Variants in ELMO1 observed in about 807,000 individuals in gnomAD.
ELMO1 encodes engulfment and cell motility 1.
ELMO1 carries 26 observed loss-of-function variants against 98.9 expected under a neutral mutation model. That is an observed-to-expected ratio of 0.26 (90% CI 0.19 to 0.36). The LOEUF (loss-of-function observed/expected upper bound fraction) is 0.36. ELMO1 is among the 10% of genes least tolerant of loss of function. ELMO1 has a pLI of 1.00. For missense variants in ELMO1, 627 were observed against 935.2 expected, an observed-to-expected ratio of 0.67 and a Z score of 4.30; for synonymous variants, 346 against 346.0, an observed-to-expected ratio of 1.00 and a Z score of 0.00.
At chr7:37,121,606 C>G (rs1214399541) in intron 14 of ELMO1, among the ~76,000 whole-genome samples, 2 of 152,102 alleles carry the variant, frequency 1.3e-5, no homozygotes, top group Non-Finnish European at 2.9e-5. Context: ...AACAAAGCCT[C>G]CAAGAAATAT....
At chr7:37,373,301 T>C (rs1802191241) in intron 1 of ELMO1, among the ~76,000 whole-genome samples, 1 of 152,208 alleles carries the variant, frequency 6.6e-6, no homozygotes, top group Non-Finnish European at 1.5e-5. Flanking sequence ...TTGCTTTATT[T>C]TTCCATTAAA....
At chr7:37,381,450 G>A (rs1449774239) in intron 1 of ELMO1, among the ~76,000 whole-genome samples, 1 of 152,162 alleles carries the variant, frequency 6.6e-6, no homozygotes, top group Non-Finnish European at 1.5e-5. Context: ...AATTCTGTAC[G>A]AAAGTAGTCA....
chr7:37,259,267 G>C lies in ELMO1; in HGVS notation c.327C>G (p.Ser109Arg). ...GGGCAAACGTGACATCCCGGGAGAG[G>C]CTGGCCAAGTCCTTCAGGGCTTCCA... ...AKLEALKDLA[S>R]LSRDVTFAQE... Residue 109 changes from serine (S) to arginine (R), a missense_variant, in exon 6 of 22, where the codon AGC (serine) becomes AGG (arginine). Ser to Arg is a moderately radical substitution (Grantham distance 110). This residue lies in a region of ELMO1 where 123 missense variants were observed against 171.2 expected (regional missense o/e 0.72). Coordinates refer to ENST00000310758, the MANE Select transcript of ELMO1 (RefSeq NM_014800.11). 6.2e-7 allele frequency: 1 copy of C among 1,614,136 alleles called. No homozygotes were observed. The highest frequency in any genetic ancestry group is 1.7e-5 in the Admixed American group (1 of 60,020).
intron 16 of ELMO1, among the ~76,000 whole-genome samples, chr7:37,007,386 G>A (rs1401825512): frequency 3.9e-5 from 6 of 152,148 alleles, no homozygotes; most frequent in Non-Finnish European, 8.8e-5. Flanking sequence ...GATAAACAAC[G>A]CTGAGTCCTC....
At chr7:37,354,898 A>G (rs959850259) in intron 1 of ELMO1, among the ~76,000 whole-genome samples, 2 of 152,204 alleles carry the variant, frequency 1.3e-5, no homozygotes, top group African/African-American at 4.8e-5. Flanking sequence ...GCCTCTCTCC[A>G]GCAACAGCAG....
chr7:37,033,246 CG>C (rs1794978559), intron 15 of ELMO1: 2 of 379,900 alleles, frequency 5.3e-6, no homozygotes, highest in Admixed American at 3.2e-5. Flanking sequence ...GGAGCGCAGA[CG>C]GGCTAAGTCC....
chr7:37,399,963 G>A (rs1021654187), intron 1 of ELMO1, among the ~76,000 whole-genome samples: 2 of 152,140 alleles, frequency 1.3e-5, no homozygotes, highest in African/African-American at 4.8e-5. Flanking sequence ...CTGCATTTTT[G>A]TGAAGAATGC....
chr7:37,175,155 GAAT>G (rs1345297941), intron 13 of ELMO1, among the ~76,000 whole-genome samples: 1 of 152,126 alleles, frequency 6.6e-6, no homozygotes, highest in Non-Finnish European at 1.5e-5. Flanking sequence ...ATGATCAGCA[GAAT>G]AATAAGGAGA....
At chr7:37,276,738 C>G (rs772070948) in intron 4 of ELMO1, among the ~76,000 whole-genome samples, 1 of 152,184 alleles carries the variant, frequency 6.6e-6, no homozygotes, top group Non-Finnish European at 1.5e-5. Flanking sequence ...AGGACAGAAA[C>G]GTCTACCCAG....
chr7:37,372,123 G>T (rs1802139529), intron 1 of ELMO1, among the ~76,000 whole-genome samples: 1 of 151,116 alleles, frequency 6.6e-6, no homozygotes, highest in Non-Finnish European at 1.5e-5. Flanking sequence ...CCTCTGCTCA[G>T]TTTCAGTTAA....
At position 37,152,444 on chromosome 7, in the gene ELMO1, CT is replaced by C. The variant is rs11421529; in HGVS notation, c.1087-19211del. Among the ~76,000 whole-genome samples, 753 of 143,734 alleles carry C rather than the reference CT, an allele frequency of 5.2e-3. 4 individuals carry two copies. The highest frequency in any genetic ancestry group is 0.014 in the African/African-American group (539 of 38,570). 94.3% of individuals were successfully genotyped at this position (143,734 alleles called of 152,430 possible). On this transcript the variant is annotated intron_variant, in intron 13 of 21. Coordinates refer to ENST00000310758, the MANE Select transcript of ELMO1 (RefSeq NM_014800.11). ...TCTGGCACCTTGAGCAATGTTGGGG[CT>C]TTTTTTTTTTTTTTTATGTTTTTCA...
intron 1 of ELMO1, among the ~76,000 whole-genome samples, chr7:37,374,407 T>C (rs948484404): frequency 1.3e-5 from 2 of 152,194 alleles, no homozygotes; most frequent in African/African-American, 4.8e-5. Context: ...CTATAACCAA[T>C]GCATCATTAC....
intron 20 of ELMO1, among the ~76,000 whole-genome samples, chr7:36,866,034 G>A (rs914174819): frequency 2.0e-5 from 3 of 152,120 alleles, no homozygotes; most frequent in African/African-American, 7.2e-5. Flanking sequence ...CTGGCAAATG[G>A]GAAGATGGAA....
chr7:37,415,674 A>C (rs1158010521), intron 1 of ELMO1, among the ~76,000 whole-genome samples: 1 of 152,238 alleles, frequency 6.6e-6, no homozygotes. Flanking sequence ...TGCAATTGAT[A>C]CTGGAAAAGA....
intron 21 of ELMO1, among the ~76,000 whole-genome samples, chr7:36,857,602 G>A (rs1443274394): frequency 2.6e-5 from 4 of 152,146 alleles, no homozygotes; most frequent in Non-Finnish European, 5.9e-5. Flanking sequence ...AAAATTTTAT[G>A]TGAAAGTACA....
chr7:37,171,370 A>T (rs1790141882), intron 13 of ELMO1, among the ~76,000 whole-genome samples: 1 of 152,070 alleles, frequency 6.6e-6, no homozygotes, highest in African/African-American at 2.4e-5. Flanking sequence ...GGGCAATAAA[A>T]TATGGACATA....
chr7:37,179,300 C>T (rs1384423950), intron 13 of ELMO1, among the ~76,000 whole-genome samples: 39 of 120,282 alleles, frequency 3.2e-4, no homozygotes, highest in African/African-American at 8.7e-4. Flanking sequence ...TTTTTTGAGA[C>T]GGAGTCTCAC....
intron 14 of ELMO1, among the ~76,000 whole-genome samples, chr7:37,115,888 A>G (rs756290282): frequency 3.7e-4 from 56 of 152,222 alleles, no homozygotes; most frequent in Non-Finnish European, 4.7e-4. Context: ...CAATTACAGC[A>G]AGACTGCAAG....
intron 1 of ELMO1, among the ~76,000 whole-genome samples, chr7:37,359,744 G>A (rs140786215): frequency 2.8e-3 from 423 of 152,300 alleles, no homozygotes; most frequent in Non-Finnish European, 4.3e-3. Flanking sequence ...GAGTAAGAGC[G>A]TGGCACATTA....
Sources: gnomAD v4.1 joint callset for allele counts (sites outside exome capture counted in the v4.1 genomes callset) on GRCh38, gnomAD v4.1.1 for gene constraint, gnomAD v4.1.1 regional missense constraint, MANE v1.5 for transcripts, NCBI Gene and HGNC (gene_info 2026-07-23, HGNC 2026-07-21) for gene names.